The following PDE3A variants were observed in gnomAD, a reference collection of about 807,000 sequenced individuals.
PDE3A encodes phosphodiesterase 3A, also known as cGMP-inhibited 3',5'-cyclic phosphodiesterase 3A.
PDE3A carries 43 observed loss-of-function variants against 98.3 expected under a neutral mutation model. The ratio of observed to expected loss-of-function variants is 0.44; its 90% CI spans 0.34 to 0.56. The LOEUF is 0.56. Among genes scored for constraint, PDE3A ranks in the 20% least tolerant of loss-of-function variants. The pLI, the probability that PDE3A is intolerant of heterozygous loss-of-function variation, is 0.01. For synonymous variants in PDE3A, 663 were observed against 567.9 expected (o/e 1.17, Z -2.38); for missense variants, 1,427 against 1,440.7 (o/e 0.99, Z 0.15).
chr12:20,540,963 C>T (rs999965361), intron 1 of PDE3A, among the ~76,000 whole-genome samples: 3 of 151,708 alleles, frequency 2.0e-5, no homozygotes, highest in Non-Finnish European at 2.9e-5. Flanking sequence ...CTTTAAGACC[C>T]TCTCACTCCT....
chr12:20,596,888 A>G (rs368777908), intron 2 of PDE3A, among the ~76,000 whole-genome samples: 1 of 152,168 alleles, frequency 6.6e-6, no homozygotes, highest in East Asian at 1.9e-4. Context: ...TAAAAAAAAT[A>G]CCGTATAGCA....
chr12:20,552,037 G>A lies in PDE3A; in HGVS notation c.961-4623G>A, dbSNP rs1462253536. 5.0e-6 allele frequency: 8 copies of A among 1,612,296 alleles called. No individual in the cohort carries two copies. The highest frequency in any genetic ancestry group is 3.3e-5 in the South Asian group (3 of 91,010). On this transcript the variant is annotated intron_variant, in intron 1 of 15. Transcript: ENST00000359062. This position sits in a 1 kb window ranked among gnomAD's most constrained non-coding sequence, Gnocchi z 5.1. ...CCTGGCGGGGGGCTACGAGGATGAC[G>A]TGGACCATGGGAATTTTTTCACATA...
chr12:20,384,766 G>A (rs1943721347), intron 1 of PDE3A, among the ~76,000 whole-genome samples: 1 of 151,952 alleles, frequency 6.6e-6, no homozygotes, highest in Non-Finnish European at 1.5e-5. Flanking sequence ...CCACTTATAA[G>A]TGAAAACATG....
chr12:20,370,306 G>A, intron 1 of PDE3A, 62 bp downstream of exon 1: 1 of 1,422,114 alleles, frequency 7.0e-7, no homozygotes, highest in Non-Finnish European at 9.3e-7. Flanking sequence ...AACCGGCGCA[G>A]AGTGGAGAGA....
intron 1 of PDE3A, among the ~76,000 whole-genome samples, chr12:20,383,864 A>G (rs548086545): frequency 6.6e-6 from 1 of 151,952 alleles, no homozygotes; most frequent in Non-Finnish European, 1.5e-5. Context: ...CAAAGAAAGG[A>G]TGTTACCAGC....
intron 1 of PDE3A, among the ~76,000 whole-genome samples, chr12:20,509,364 AT>A (rs11381284): frequency 6.6e-6 from 1 of 151,682 alleles, no homozygotes. Context: ...AGCACCACCC[AT>A]TTTTCCCCTT....
chr12:20,609,199 G>C (rs892439422), intron 2 of PDE3A, among the ~76,000 whole-genome samples: 1 of 151,968 alleles, frequency 6.6e-6, no homozygotes, highest in Non-Finnish European at 1.5e-5. Flanking sequence ...AAAATTGTTA[G>C]AGCTAACAAA....
intron 1 of PDE3A, among the ~76,000 whole-genome samples, chr12:20,383,967 T>A (rs1030034959): frequency 1.3e-5 from 2 of 151,926 alleles, no homozygotes; most frequent in African/African-American, 4.8e-5. Context: ...GTTGCAATAA[T>A]CCAGAGATGG....
intron 1 of PDE3A, among the ~76,000 whole-genome samples, chr12:20,508,334 C>G (rs1462874510): frequency 2.0e-5 from 3 of 151,912 alleles, no homozygotes; most frequent in Non-Finnish European, 4.4e-5. Context: ...CTCTAAAGCA[C>G]TCATCTTCTA....
intron 1 of PDE3A, among the ~76,000 whole-genome samples, chr12:20,549,234 A>G (rs1254379381): frequency 6.6e-6 from 1 of 151,854 alleles, no homozygotes; most frequent in Non-Finnish European, 1.5e-5. Context: ...TTATACAAAT[A>G]GGATAAAAAT....
intron 1 of PDE3A, among the ~76,000 whole-genome samples, chr12:20,493,535 T>A (rs77821099): frequency 0.033 from 5,045 of 152,214 alleles, 123 homozygotes; most frequent in South Asian, 0.057. Context: ...ATACCAAGGG[T>A]TGACTATATG....
At chr12:20,518,052 C>G (rs1011853306) in intron 1 of PDE3A, among the ~76,000 whole-genome samples, 1 of 152,168 alleles carries the variant, frequency 6.6e-6, no homozygotes, top group African/African-American at 2.4e-5. Flanking sequence ...AACAGCTATT[C>G]TTTCATGGGT....
At chr12:20,633,836 C>G in intron 7 of PDE3A, 58 bp downstream of exon 7, 1 of 1,048,788 alleles carries the variant, frequency 9.5e-7, no homozygotes, top group South Asian at 1.4e-5. Context: ...TTTTTGTTTT[C>G]CTGATCAAAA....
At chr12:20,658,198 G>A (rs558734302) in intron 15 of PDE3A, among the ~76,000 whole-genome samples, 16 of 152,252 alleles carry the variant, frequency 1.1e-4, no homozygotes, top group East Asian at 7.7e-4. Flanking sequence ...AATTTCAATT[G>A]TATCTACTGC....
rs7975334 is a variant in PDE3A at position 20,686,917 on chromosome 12, A to C, written c.*6646A>C. On this transcript the variant is annotated 3_prime_UTR_variant, in exon 16 of 16. Transcript: ENST00000359062. ...TGCAGGGTATCCCAGGACACCCCTC[A>C]GTCTTTAATACAAACCAATTTAGTT... Among the ~76,000 whole-genome samples the C allele has an allele frequency of 0.14, 21,527 of 152,048 alleles. 2,425 individuals are homozygous for C. Among genetic ancestry groups the C allele is most frequent in the African/African-American group, 0.32 (13,080 of 41,430 alleles).
chr12:20,406,921 C>A (rs1944243862), intron 1 of PDE3A, among the ~76,000 whole-genome samples: 1 of 152,100 alleles, frequency 6.6e-6, no homozygotes, highest in African/African-American at 2.4e-5. Context: ...TATGGATATA[C>A]AGTTTTCCAA....
At chr12:20,592,224 A>G (rs758663754) in intron 2 of PDE3A, among the ~76,000 whole-genome samples, 14 of 152,172 alleles carry the variant, frequency 9.2e-5, no homozygotes, top group Non-Finnish European at 2.1e-4. Flanking sequence ...GGAAGAAAGA[A>G]TATTGTGTCT....
chr12:20,442,738 A>G (rs1944890218), intron 1 of PDE3A, among the ~76,000 whole-genome samples: 1 of 152,228 alleles, frequency 6.6e-6, no homozygotes, highest in Admixed American at 6.5e-5. Context: ...AACTAAAACA[A>G]TCCTAAAGAG....
At chr12:20,655,603 C>A (rs960811247) in intron 15 of PDE3A, among the ~76,000 whole-genome samples, 3 of 152,110 alleles carry the variant, frequency 2.0e-5, no homozygotes, top group Non-Finnish European at 4.4e-5. Context: ...TAAAACAAAA[C>A]AAAACAGAAG....
Sources: allele counts gnomAD v4.1 joint callset (sites outside exome capture counted in the v4.1 genomes callset), GRCh38; gene constraint gnomAD v4.1.1; non-coding constraint Gnocchi (gnomAD v3.1); transcripts MANE v1.5; gene names NCBI Gene and HGNC (gene_info 2026-07-23, HGNC 2026-07-21).